The following ABCG2 variants were observed in gnomAD, a reference collection of about 807,000 sequenced individuals.
ABCG2 encodes broad substrate specificity ATP-binding cassette transporter ABCG2.
Under a neutral mutation model 73.5 loss-of-function variants are expected in ABCG2, and 80 were observed. The ratio of observed to expected loss-of-function variants is 1.09; its 90% CI spans 0.91 to 1.31. The LOEUF is 1.31. Among genes scored for constraint, ABCG2 ranks in the 50% most tolerant of loss-of-function variants. ABCG2 has a pLI of 0.00. For missense variants in ABCG2, 796 were observed against 786.2 expected, an observed-to-expected ratio of 1.01 and a Z score of -0.15; for synonymous variants, 269 against 282.4, an observed-to-expected ratio of 0.95 and a Z score of 0.48.
chr4:88,206,632 C>T (rs1729391679), intron 1 of ABCG2: 1 of 152,182 alleles, frequency 6.6e-6, no homozygotes, highest in South Asian at 2.1e-4. Context: ...TTCGTTCACA[C>T]ACTTGCTACT....
chr4:88,115,284 AAT>A (rs1279866821), intron 7 of ABCG2, among the ~76,000 whole-genome samples: 5 of 73,160 alleles, frequency 6.8e-5, no homozygotes, highest in African/African-American at 1.5e-4. Context: ...ATATATATAT[AAT>A]TTATTTATTT....
chr4:88,222,103 A>T (rs1369892349), intron 1 of ABCG2, among the ~76,000 whole-genome samples: 1 of 152,228 alleles, frequency 6.6e-6, no homozygotes, highest in Non-Finnish European at 1.5e-5. Context: ...TCTGTGGCTA[A>T]AGGGGCCAAC....
intron 10 of ABCG2, among the ~76,000 whole-genome samples, chr4:88,106,267 A>G (rs1221197616): frequency 6.6e-6 from 1 of 152,180 alleles, no homozygotes; most frequent in Non-Finnish European, 1.5e-5. Context: ...CCTCCCGAGT[A>G]GCTGGGACTA....
chr4:88,121,208 T>C (rs1233751178), intron 6 of ABCG2, among the ~76,000 whole-genome samples: 2 of 151,440 alleles, frequency 1.3e-5, no homozygotes, highest in Admixed American at 1.3e-4. Flanking sequence ...ATGATATAAG[T>C]AGAGTAAAAA....
chr4:88,103,655 T>G (rs1722591940), intron 10 of ABCG2, among the ~76,000 whole-genome samples: 1 of 152,228 alleles, frequency 6.6e-6, no homozygotes, highest in Non-Finnish European at 1.5e-5. Flanking sequence ...GCAATGTATC[T>G]CCAAAGAAAA....
chr4:88,158,480 G>C lies in ABCG2; in HGVS notation c.-114C>G. On this transcript the variant is annotated 5_prime_UTR_variant, in exon 1 of 16. Coordinates refer to ENST00000237612, the MANE Select transcript of ABCG2 (RefSeq NM_004827.3). ...TTTAACAATTAAGGATGTAAATGTT[G>C]GGATGAGTCACCCGGACCTTCCAAA... 3 of 456,144 alleles carry C rather than the reference G, an allele frequency of 6.6e-6. No individual in the cohort carries two copies. Among genetic ancestry groups the C allele is most frequent in the Middle Eastern group, 3.3e-4 (1 of 3,074 alleles). The allele number at this position is 456,144 out of a possible 1,614,324, so 28.3% of individuals were successfully genotyped here.
At chr4:88,222,256 A>C (rs1006392082) in intron 1 of ABCG2, among the ~76,000 whole-genome samples, 6 of 152,234 alleles carry the variant, frequency 3.9e-5, no homozygotes, top group Admixed American at 2.0e-4. Flanking sequence ...GTATGGAAGT[A>C]TGGAAATGCC....
At chr4:88,105,756 CCA>C (rs1239638797) in intron 10 of ABCG2, among the ~76,000 whole-genome samples, 2 of 152,094 alleles carry the variant, frequency 1.3e-5, no homozygotes, top group Admixed American at 1.3e-4. Flanking sequence ...AAAAGACAAC[CCA>C]CAGAGTGGGG....
intron 5 of ABCG2, among the ~76,000 whole-genome samples, chr4:88,124,105 G>A (rs937881564): frequency 1.3e-5 from 2 of 152,174 alleles, no homozygotes; most frequent in East Asian, 1.9e-4. Context: ...TTACAGACAA[G>A]CAAGTGCTGA....
chr4:88,122,552 T>C (rs940083488), intron 5 of ABCG2, among the ~76,000 whole-genome samples: 2 of 152,078 alleles, frequency 1.3e-5, no homozygotes, highest in East Asian at 3.9e-4. Context: ...TCTGGGAAAT[T>C]CGAACTGGGT....
intron 2 of ABCG2, among the ~76,000 whole-genome samples, chr4:88,138,883 C>T (rs1447527656): frequency 6.6e-6 from 1 of 152,098 alleles, no homozygotes; most frequent in African/African-American, 2.4e-5. Context: ...GGCACAGTGG[C>T]TCACACCCCA....
chr4:88,147,858 C>T (rs1726159860), intron 1 of ABCG2, among the ~76,000 whole-genome samples: 2 of 152,204 alleles, frequency 1.3e-5, no homozygotes, highest in Non-Finnish European at 1.5e-5. Flanking sequence ...AGCACAAATC[C>T]GAAGCAAACC....
At chr4:88,160,863 A>C (rs1727269574), upstream of ABCG2, among the ~76,000 whole-genome samples, 1 of 151,016 alleles carries the variant, frequency 6.6e-6, no homozygotes, top group Admixed American at 6.6e-5. Context: ...AAAAAAAAAA[A>C]AAAAAAAAAC....
intron 1 of ABCG2, among the ~76,000 whole-genome samples, chr4:88,202,354 T>A (rs12503123): frequency 0.16 from 9,179 of 58,860 alleles, 2,630 homozygotes; most frequent in African/African-American, 0.21. Context: ...CTACAATTAT[T>A]TATATATATA....
intron 1 of ABCG2, among the ~76,000 whole-genome samples, chr4:88,198,489 C>T (rs1358169861): frequency 3.3e-5 from 5 of 151,998 alleles, no homozygotes; most frequent in Admixed American, 6.6e-5. Flanking sequence ...AAAAAATACC[C>T]AGACACAGTG....
At chr4:88,159,565 G>GTGAA (rs1727192058), upstream of ABCG2, among the ~76,000 whole-genome samples, 1 of 56,236 alleles carries the variant, frequency 1.8e-5, no homozygotes, top group Non-Finnish European at 5.0e-5. Context: ...ATCAGGCTTT[G>GTGAA]TGAGTGTAGC....
intron 1 of ABCG2, among the ~76,000 whole-genome samples, chr4:88,140,231 A>C (rs1190908391): frequency 1.3e-5 from 2 of 152,246 alleles, no homozygotes; most frequent in Non-Finnish European, 2.9e-5. Flanking sequence ...TTAGATGTCA[A>C]ATACATCCCT....
intron 4 of ABCG2, 109 bp downstream of exon 4, chr4:88,131,694 T>C: frequency 1.3e-6 from 1 of 772,252 alleles, no homozygotes; most frequent in South Asian, 1.7e-5. Flanking sequence ...AGAACGTCAG[T>C]TCTAGGACCA....
At chr4:88,135,443 G>A (rs1725171918) in intron 2 of ABCG2, among the ~76,000 whole-genome samples, 1 of 152,188 alleles carries the variant, frequency 6.6e-6, no homozygotes, top group Non-Finnish European at 1.5e-5. Flanking sequence ...ACATTTTAGT[G>A]GATAATGATT....
Sources: allele counts gnomAD v4.1 joint callset (sites outside exome capture counted in the v4.1 genomes callset), GRCh38; gene constraint gnomAD v4.1.1; transcripts MANE v1.5; gene names NCBI Gene and HGNC (gene_info 2026-07-23, HGNC 2026-07-21).